The following SEL1L variants were observed in gnomAD, a reference collection of about 807,000 sequenced individuals.
The protein encoded by SEL1L is protein sel-1 homolog 1.
Under a neutral mutation model 109.8 loss-of-function variants are expected in SEL1L, and 52 were observed. That is an observed-to-expected ratio of 0.47 (90% CI 0.38 to 0.60). The LOEUF is 0.60. SEL1L is among the 20% of genes least tolerant of loss of function. The probability of loss-of-function intolerance (pLI) is 0.00; values close to 1 mark genes in which losing one functional copy is unlikely to be tolerated. For missense variants in SEL1L, 749 were observed against 962.2 expected (o/e 0.78, Z 2.93); for synonymous variants, 373 against 339.6 (o/e 1.10, Z -1.08).
At chr14:81,520,586 A>G (rs1884866699) in intron 3 of SEL1L, among the ~76,000 whole-genome samples, 1 of 152,220 alleles carries the variant, frequency 6.6e-6, no homozygotes. Flanking sequence ...GCAGACCTGT[A>G]GTCTGTTCTT....
Position 81,472,013 on chromosome 14 carries a change from G to C in SEL1L, c.*4959C>G, listed in dbSNP as rs1903027099. 2 of 152,148 alleles carry C rather than the reference G, an allele frequency of 1.3e-5. No homozygotes were observed. The highest frequency in any genetic ancestry group is 4.1e-4 in the South Asian group (2 of 4,822). The allele number at this position is 152,148 out of a possible 1,614,324, so 9.4% of individuals were successfully genotyped here. On this transcript the variant is annotated 3_prime_UTR_variant, in exon 21 of 21. Coordinates refer to ENST00000336735, the MANE Select transcript of SEL1L (RefSeq NM_005065.6). Reference sequence around the variant, plus strand: ...TTTTTTTTACTTGCATCTAATTTGTGTATCTGCTGTAACTTAATCTAAGCA... The same window carrying C: ...TTTTTTTTACTTGCATCTAATTTGTCTATCTGCTGTAACTTAATCTAAGCA...
At chr14:81,477,573 G>T (rs1416907595) in intron 20 of SEL1L, among the ~76,000 whole-genome samples, 1 of 152,180 alleles carries the variant, frequency 6.6e-6, no homozygotes. Context: ...AGCACTTTGG[G>T]AGGCCGAGGT....
intron 6 of SEL1L, among the ~76,000 whole-genome samples, chr14:81,500,669 G>C (rs1357035688): frequency 6.6e-6 from 1 of 152,022 alleles, no homozygotes; most frequent in Non-Finnish European, 1.5e-5. Flanking sequence ...CCCGCTATAG[G>C]TACATCAGCA....
chr14:81,481,385 G>A (rs1273502823), intron 19 of SEL1L, among the ~76,000 whole-genome samples: 1 of 152,150 alleles, frequency 6.6e-6, no homozygotes, highest in African/African-American at 2.4e-5. Flanking sequence ...CTTGTCCTTA[G>A]GGTGTGTCAT....
At chr14:81,518,638 G>A (rs1458704420) in intron 3 of SEL1L, among the ~76,000 whole-genome samples, 1 of 144,930 alleles carries the variant, frequency 6.9e-6, no homozygotes, top group Non-Finnish European at 1.5e-5. Flanking sequence ...CCAACCTGGG[G>A]GACAAGAGCG....
chr14:81,477,335 G>GTGTGTGTGTGTT (rs1254180828), intron 20 of SEL1L, among the ~76,000 whole-genome samples, 154 bp from the exon 21 acceptor site: 1 of 151,254 alleles, frequency 6.6e-6, no homozygotes, highest in Non-Finnish European at 1.5e-5. Context: ...GTGTGTGTGT[G>GTGTGTGTGTGTT]TTTAAAGCGG....
At chr14:81,492,440 C>G (rs759548415) in intron 12 of SEL1L, 40 bp downstream of exon 12, 2 of 1,378,592 alleles carry the variant, frequency 1.5e-6, no homozygotes, top group African/African-American at 2.9e-5. Flanking sequence ...ATGCAAACAC[C>G]TCTTGCTATT....
In SEL1L at chr14:81,472,453, T is replaced by G. The variant is rs777129977; in HGVS notation, c.*4519A>C. On this transcript the variant is annotated 3_prime_UTR_variant, in exon 21 of 21. Transcript: ENST00000336735. ...GCTGGGGGCCAAATTTGTAGCCCAC[T>G]TCCAATTGCACTTTGTGTACATGTT... 4.5e-6 allele frequency: 1 copy of G among 223,002 alleles called. No individual in the cohort carries two copies. Among genetic ancestry groups the G allele is most frequent in the African/African-American group, 2.4e-5 (1 of 42,520 alleles). 13.8% of individuals were successfully genotyped at this position (223,002 alleles called of 1,614,324 possible). A position where few individuals can be genotyped will look rare whatever the true frequency, so the allele number is the denominator to read the frequency against.
At chr14:81,487,248 G>T in intron 16 of SEL1L, 142 bp downstream of exon 16, 1 of 675,926 alleles carries the variant, frequency 1.5e-6, no homozygotes, top group Non-Finnish European at 2.3e-6. Flanking sequence ...AGACCCCTCG[G>T]TCTTCCCTCA....
chr14:81,524,916 T>C (rs1449564068), intron 3 of SEL1L, among the ~76,000 whole-genome samples: 1 of 151,954 alleles, frequency 6.6e-6, no homozygotes, highest in East Asian at 1.9e-4. Context: ...CAGCAACAGA[T>C]TAAGAGAAAC....
intron 1 of SEL1L, among the ~76,000 whole-genome samples, chr14:81,533,284 T>C (rs965089365): frequency 5.9e-5 from 9 of 152,134 alleles, no homozygotes; most frequent in Non-Finnish European, 1.3e-4. Flanking sequence ...AGCTCCAGGT[T>C]TGTCAATTAT....
Position 81,486,357 on chromosome 14 carries a change from TG to T in SEL1L, c.1729del (p.Gln577SerfsTer29). Reference sequence around the variant, plus strand: ...GCCCTGTTCAGCCAGGAGGAGGTACTGGATCACTGCAGCATTGTAATCGCCA... The same window carrying T: ...GCCCTGTTCAGCCAGGAGGAGGTACTGATCACTGCAGCATTGTAATCGCCA... ...KDGDYNAAVI[Q>X]YLLLAEQGYE... is the part of the protein sequence containing the mutation. On this transcript the variant is annotated frameshift_variant, in exon 17 of 21. Coordinates refer to ENST00000336735, the MANE Select transcript of SEL1L (RefSeq NM_005065.6). LOFTEE classifies it high-confidence loss of function. 1 of 1,614,192 alleles carries T rather than the reference TG, an allele frequency of 6.2e-7. No individual in the cohort carries two copies. The highest frequency in any genetic ancestry group is 8.5e-7 in the Non-Finnish European group (1 of 1,180,014).
chr14:81,489,104 T>C, intron 14 of SEL1L, 148 bp downstream of exon 14: 1 of 717,044 alleles, frequency 1.4e-6, no homozygotes, highest in Non-Finnish European at 2.5e-6. Flanking sequence ...GGGGTGGTAG[T>C]GAGACAAACT....
Position 81,499,596 on chromosome 14 carries a change from T to G in SEL1L, c.831+13A>C. ...TCAAATTGTAATATGCAATAAAGTT[T>G]TAATAGTATTACCTTTGCCTGACTT... On this transcript the variant is annotated intron_variant, in intron 7 of 20. Coordinates refer to ENST00000336735, the MANE Select transcript of SEL1L (RefSeq NM_005065.6). 6.2e-7 allele frequency: 1 copy of G among 1,610,930 alleles called. No homozygotes were observed. Among genetic ancestry groups the G allele is most frequent in the Non-Finnish European group, 8.5e-7 (1 of 1,179,348 alleles).
At chr14:81,532,896 A>G (rs1885387274) in intron 1 of SEL1L, among the ~76,000 whole-genome samples, 1 of 152,082 alleles carries the variant, frequency 6.6e-6, no homozygotes, top group Admixed American at 6.5e-5. Flanking sequence ...TTTCATGAAC[A>G]CTCTCAAAAT....
At chr14:81,493,471 C>A (rs770357955) in intron 11 of SEL1L, among the ~76,000 whole-genome samples, 3 of 152,074 alleles carry the variant, frequency 2.0e-5, no homozygotes, top group Non-Finnish European at 4.4e-5. Flanking sequence ...GACTGCGCCA[C>A]TGCACTCCAG....
At chr14:81,489,934 A>T (rs578042756) in intron 13 of SEL1L, among the ~76,000 whole-genome samples, 2 of 152,360 alleles carry the variant, frequency 1.3e-5, no homozygotes, top group Non-Finnish European at 2.9e-5. Flanking sequence ...CTACAGTAAC[A>T]TGTATAATAG....
At chr14:81,513,317 C>T (rs1033636583) in intron 3 of SEL1L, among the ~76,000 whole-genome samples, 13 of 152,158 alleles carry the variant, frequency 8.5e-5, no homozygotes, top group Admixed American at 5.9e-4. Context: ...TTTGTTCTTT[C>T]GCTCTTCACA....
intron 3 of SEL1L, among the ~76,000 whole-genome samples, chr14:81,513,670 C>T (rs2140038582): frequency 6.6e-6 from 1 of 152,292 alleles, no homozygotes; most frequent in South Asian, 2.1e-4. Context: ...TAAATACTGG[C>T]ACCTGTCAGC....
Sources: gnomAD v4.1 joint callset for allele counts (sites outside exome capture counted in the v4.1 genomes callset) on GRCh38, gnomAD v4.1.1 for gene constraint, MANE v1.5 for transcripts, NCBI Gene and HGNC (gene_info 2026-07-23, HGNC 2026-07-21) for gene names.